Variants in ZFR observed in about 807,000 individuals in gnomAD.
ZFR encodes zinc finger RNA binding protein, also known as zinc finger RNA-binding protein.
In ZFR, 19 loss-of-function variants were observed where a neutral mutation model predicts 130.7. The observed-to-expected ratio is 0.15, with a 90% CI of 0.10 to 0.21. The LOEUF (loss-of-function observed/expected upper bound fraction) is 0.21. Among genes scored for constraint, ZFR ranks in the 10% least tolerant of loss-of-function variants. ZFR has a pLI of 1.00. For missense variants in ZFR, 872 were observed against 1,321.5 expected (o/e 0.66, Z 5.27); for synonymous variants, 466 against 456.9 (o/e 1.02, Z -0.25).
At chr5:32,357,498 T>C (rs1036492611) in intron 19 of ZFR, among the ~76,000 whole-genome samples, 2 of 152,176 alleles carry the variant, frequency 1.3e-5, no homozygotes, top group East Asian at 1.9e-4. Context: ...ACTCCTGACC[T>C]CCGGAGATCT....
Position 32,420,097 on chromosome 5 carries a change from C to G in ZFR, c.144G>C (p.Gln48His). The change falls in exon 3 of 20, where the codon CAG becomes CAC. Residue 48 changes from glutamine (Q) to histidine (H), a missense_variant. By Grantham distance (24) the Gln-to-His change is conservative (BLOSUM62 0). This residue lies in a region of ZFR where 240 missense variants were observed against 441.2 expected (regional missense o/e 0.54). Transcript: ENST00000265069. ...AAAAAAQYSQ[Q>H]PASGVAYSHP... Reference sequence around the variant, plus strand: ...GAGAATAGGCTACACCCGAAGCTGGCTGCTGGCTACATTGTGGAGTACAAG... The same window carrying G: ...GAGAATAGGCTACACCCGAAGCTGGGTGCTGGCTACATTGTGGAGTACAAG... 6.4e-7 allele frequency: 1 copy of G among 1,572,038 alleles called. No individual in the cohort carries two copies. The highest frequency in any genetic ancestry group is 8.7e-7 in the Non-Finnish European group (1 of 1,153,644).
At chr5:32,357,667 T>C (rs1752343872) in intron 19 of ZFR, among the ~76,000 whole-genome samples, 1 of 152,246 alleles carries the variant, frequency 6.6e-6, no homozygotes, top group Non-Finnish European at 1.5e-5. Flanking sequence ...ATATCCTTCA[T>C]GACTTCCTGT....
At chr5:32,407,870 T>C (rs1239681065) in intron 5 of ZFR, among the ~76,000 whole-genome samples, 1 of 152,204 alleles carries the variant, frequency 6.6e-6, no homozygotes, top group Non-Finnish European at 1.5e-5. Context: ...TTTTAATCTG[T>C]GAACGTGGAG....
At chr5:32,359,508 T>C (rs1752384499) in intron 19 of ZFR, among the ~76,000 whole-genome samples, 1 of 152,196 alleles carries the variant, frequency 6.6e-6, no homozygotes, top group Non-Finnish European at 1.5e-5. Flanking sequence ...TGTGCAATCT[T>C]AAAAATGTAC....
chr5:32,419,787 A>G, intron 3 of ZFR, 34 bp downstream of exon 3: 5 of 1,549,538 alleles, frequency 3.2e-6, no homozygotes, highest in Non-Finnish European at 4.4e-6. Flanking sequence ...AGAAACCCGC[A>G]CATTCAGGCT....
intron 2 of ZFR, among the ~76,000 whole-genome samples, chr5:32,428,944 G>C (rs1183727492): frequency 6.8e-6 from 1 of 146,046 alleles, no homozygotes; most frequent in Admixed American, 6.8e-5. Flanking sequence ...AACCACCACA[G>C]TAGGTGAATT....
chr5:32,359,680 G>C (rs2963989), intron 19 of ZFR, among the ~76,000 whole-genome samples: 142,707 of 152,340 alleles, frequency 0.94, 66,936 homozygotes, highest in African/African-American at 0.97. Context: ...ACCGGGTGCG[G>C]TGGCTCACGC....
rs1358557069 is a variant in ZFR at position 32,404,407 on chromosome 5, T to G, written c.1033-310A>C. ...TATATAAATGTTGGACAGAGAATAA[T>G]AGACAGTGATCATTCCATAAAGAAA... On this transcript the variant is annotated intron_variant, in intron 6 of 19. Transcript: ENST00000265069. Among the ~76,000 whole-genome samples, 3 of 152,336 alleles carry G rather than the reference T, an allele frequency of 2.0e-5. No homozygotes were observed. In the East Asian group the frequency reaches 5.8e-4, roughly 29 times the overall value.
intron 2 of ZFR, among the ~76,000 whole-genome samples, chr5:32,428,604 G>A (rs2111845250): frequency 6.6e-6 from 1 of 152,302 alleles, no homozygotes. Context: ...ACGTTTAGCA[G>A]TTGGTTGACT....
chr5:32,397,098 A>T, intron 10 of ZFR, 121 bp downstream of exon 10: 1 of 1,086,712 alleles, frequency 9.2e-7, no homozygotes, highest in South Asian at 2.1e-5. Flanking sequence ...CTAATCTTAG[A>T]ATGGGACATC....
chr5:32,429,208 G>A (rs1004068863), intron 2 of ZFR, among the ~76,000 whole-genome samples: 5 of 152,042 alleles, frequency 3.3e-5, no homozygotes, highest in East Asian at 1.9e-4. Context: ...GGATGGTCTC[G>A]ATCTCCTGAC....
At chr5:32,413,295 T>C (rs1207145225) in intron 5 of ZFR, among the ~76,000 whole-genome samples, 1 of 152,156 alleles carries the variant, frequency 6.6e-6, no homozygotes, top group African/African-American at 2.4e-5. Context: ...TATATATCTA[T>C]ACTTAGTGAC....
intron 17 of ZFR, among the ~76,000 whole-genome samples, chr5:32,367,464 GTAAATAAA>G (rs10612194): frequency 1.8e-4 from 27 of 150,242 alleles, no homozygotes; most frequent in Middle Eastern, 3.5e-3. Flanking sequence ...AATAAATAAA[GTAAATAAA>G]TAAATAAATA....
intron 1 of ZFR, 96 bp downstream of exon 1, chr5:32,444,526 C>T (rs1450374396): frequency 4.4e-6 from 6 of 1,379,018 alleles, no homozygotes; most frequent in Middle Eastern, 2.1e-4. Context: ...CGGCCGCCGC[C>T]TCCTCCCCGG....
chr5:32,405,274 G>A (rs1753551659), intron 6 of ZFR, among the ~76,000 whole-genome samples: 1 of 152,166 alleles, frequency 6.6e-6, no homozygotes, highest in African/African-American at 2.4e-5. Flanking sequence ...AATTGCCCAA[G>A]GTTATATAGC....
chr5:32,388,226 C>G (rs1431541344), intron 13 of ZFR, among the ~76,000 whole-genome samples: 1 of 152,108 alleles, frequency 6.6e-6, no homozygotes, highest in Non-Finnish European at 1.5e-5. Flanking sequence ...GAAATAGACT[C>G]AAAATAGTTT....
At chr5:32,418,156 A>G in intron 3 of ZFR, among the ~76,000 whole-genome samples, 1 of 151,770 alleles carries the variant, frequency 6.6e-6, no homozygotes, top group Non-Finnish European at 1.5e-5. Context: ...GCTACTCGGG[A>G]GGCTGAGGCA....
chr5:32,423,452 T>C (rs1170202083), intron 2 of ZFR, among the ~76,000 whole-genome samples: 2 of 151,988 alleles, frequency 1.3e-5, no homozygotes, highest in Non-Finnish European at 2.9e-5. Flanking sequence ...ATGTGGGAAA[T>C]GAACATATGA....
chr5:32,364,780 A>G (rs563848767), intron 17 of ZFR: 14 of 152,260 alleles, frequency 9.2e-5, no homozygotes, highest in African/African-American at 3.1e-4. Flanking sequence ...CAAAAACCCA[A>G]TGCAGGGAGT....
Sources: allele counts gnomAD v4.1 joint callset (sites outside exome capture counted in the v4.1 genomes callset), GRCh38; gene constraint gnomAD v4.1.1; regional missense constraint gnomAD v4.1.1; transcripts MANE v1.5; gene names NCBI Gene and HGNC (gene_info 2026-07-23, HGNC 2026-07-21).